THSD7B: variants seen among roughly 807,000 people sequenced by gnomAD.
THSD7B encodes thrombospondin type 1 domain containing 7B.
THSD7B carries 138 observed loss-of-function variants against 213.6 expected under a neutral mutation model. The ratio of observed to expected loss-of-function variants is 0.65; its 90% CI spans 0.56 to 0.74. The LOEUF (loss-of-function observed/expected upper bound fraction) is 0.74. THSD7B is among the 30% of genes least tolerant of loss of function. The probability of loss-of-function intolerance (pLI) is 0.00; values close to 1 mark genes in which losing one functional copy is unlikely to be tolerated. For synonymous variants in THSD7B, 742 were observed against 687.0 expected (o/e 1.08, Z -1.25); for missense variants, 1,931 against 1,991.5 (o/e 0.97, Z 0.58).
At chr2:136,967,791 C>A (rs1398636004) in intron 2 of THSD7B, among the ~76,000 whole-genome samples, 2 of 152,230 alleles carry the variant, frequency 1.3e-5, no homozygotes, top group East Asian at 3.9e-4. Flanking sequence ...GTTTTCATTT[C>A]TTTTCTTTGG....
At chr2:137,313,313 G>C (rs1683971292) in intron 12 of THSD7B, among the ~76,000 whole-genome samples, 1 of 152,060 alleles carries the variant, frequency 6.6e-6, no homozygotes, top group South Asian at 2.1e-4. Flanking sequence ...TGTTTTATCA[G>C]AGATGAGGAT....
chr2:137,353,994 G>T (rs1685070485), intron 12 of THSD7B, among the ~76,000 whole-genome samples: 1 of 152,042 alleles, frequency 6.6e-6, no homozygotes, highest in Non-Finnish European at 1.5e-5. Flanking sequence ...TCCCAGCTGA[G>T]TCTGATGTCT....
intron 2 of THSD7B, among the ~76,000 whole-genome samples, chr2:136,993,030 C>A (rs921021381): frequency 6.6e-6 from 1 of 152,184 alleles, no homozygotes; most frequent in East Asian, 1.9e-4. Context: ...CTCATGCTCT[C>A]GCACTGGAGC....
At chr2:136,892,897 G>A (rs762257787) in intron 2 of THSD7B, among the ~76,000 whole-genome samples, 2 of 152,156 alleles carry the variant, frequency 1.3e-5, no homozygotes, top group Non-Finnish European at 2.9e-5. Flanking sequence ...ACATTGCAAA[G>A]CCGCTTAGAG....
chr2:136,941,126 A>G (rs889973162), intron 2 of THSD7B, among the ~76,000 whole-genome samples: 1 of 151,934 alleles, frequency 6.6e-6, no homozygotes. Flanking sequence ...TGTCCTTGTG[A>G]CAGTTTGCTC....
Position 137,020,593 on chromosome 2 carries a change from G to C in THSD7B, c.140-35827G>C, listed in dbSNP as rs116357742. Among the ~76,000 whole-genome samples, 216 of 152,214 alleles carry C rather than the reference G, an allele frequency of 1.4e-3. 1 individual carries two copies. The highest frequency in any genetic ancestry group is 5.1e-3 in the African/African-American group (212 of 41,528). On this transcript the variant is annotated intron_variant, in intron 2 of 27. Transcript: ENST00000409968. ...CTAATCATAGCAGTTATGGCAGAGA[G>C]GAGAAACCCCTGTACCCTGCACATC... is the stretch of plus-strand genomic sequence containing the variant.
intron 15 of THSD7B, among the ~76,000 whole-genome samples, chr2:137,545,583 G>T (rs1404977455): frequency 1.3e-5 from 2 of 151,848 alleles, no homozygotes; most frequent in African/African-American, 4.8e-5. Context: ...ACTTGATGCT[G>T]CCCATCTCCT....
At chr2:136,809,477 A>G (rs1293052975) in intron 1 of THSD7B, among the ~76,000 whole-genome samples, 1 of 152,106 alleles carries the variant, frequency 6.6e-6, no homozygotes, top group Non-Finnish European at 1.5e-5. Flanking sequence ...AACCAAATTT[A>G]ATGTGCCATG....
intron 12 of THSD7B, among the ~76,000 whole-genome samples, chr2:137,399,720 T>C (rs978332028): frequency 3.3e-5 from 5 of 152,204 alleles, no homozygotes; most frequent in African/African-American, 1.2e-4. Flanking sequence ...CTGGGCCTTC[T>C]GTATCTGGAT....
chr2:137,079,864 G>A (rs1485347803), intron 3 of THSD7B, among the ~76,000 whole-genome samples: 1 of 152,016 alleles, frequency 6.6e-6, no homozygotes, highest in Admixed American at 6.6e-5. Flanking sequence ...TTCTGGGATG[G>A]AGTCTCACTC....
chr2:137,555,883 CT>C (rs1258469740), intron 15 of THSD7B, among the ~76,000 whole-genome samples: 7 of 152,164 alleles, frequency 4.6e-5, no homozygotes, highest in Non-Finnish European at 7.3e-5. Context: ...GGCATGAGAA[CT>C]ACGTGACGAA....
At chr2:137,091,883 C>T (rs985385853) in intron 3 of THSD7B, among the ~76,000 whole-genome samples, 5 of 152,160 alleles carry the variant, frequency 3.3e-5, no homozygotes, top group African/African-American at 1.2e-4. Context: ...AACTTCTCGT[C>T]GACTTACAGC....
intron 1 of THSD7B, among the ~76,000 whole-genome samples, chr2:136,820,332 G>A (rs1401398478): frequency 6.6e-6 from 1 of 152,164 alleles, no homozygotes; most frequent in African/African-American, 2.4e-5. Context: ...ATAACCTGGA[G>A]GATACCCTGA....
In THSD7B at chr2:137,325,636, C is replaced by T. The variant is rs150720630; in HGVS notation, c.2500+49610C>T. ...ACATGAATACGTTTAGCACAGTGCC[C>T]GATACTCTACCCATGTTAACTGAGT... On this transcript the variant is annotated intron_variant, in intron 12 of 27. Coordinates refer to ENST00000409968, the MANE Select transcript of THSD7B (RefSeq NM_001316349.2). 2.3e-3 allele frequency among the ~76,000 whole-genome samples: 346 copies of T among 151,908 alleles called. 1 individual carries two copies. Among genetic ancestry groups the T allele is most frequent in the African/African-American group, 8.1e-3 (336 of 41,396 alleles).
chr2:136,818,110 C>T (rs62171211), intron 1 of THSD7B, among the ~76,000 whole-genome samples: 200 of 146,238 alleles, frequency 1.4e-3, no homozygotes, highest in Non-Finnish European at 2.1e-3. Flanking sequence ...ATGTTTATTG[C>T]GGCATTATTC....
chr2:137,219,157 G>C (rs912064385), intron 7 of THSD7B, among the ~76,000 whole-genome samples: 2 of 152,016 alleles, frequency 1.3e-5, no homozygotes, highest in Non-Finnish European at 2.9e-5. Flanking sequence ...GACAAAACTA[G>C]TCATTAGACC....
intron 12 of THSD7B, among the ~76,000 whole-genome samples, chr2:137,309,609 C>G (rs1683842173): frequency 6.6e-6 from 1 of 152,000 alleles, no homozygotes; most frequent in Admixed American, 6.5e-5. Context: ...GCACCCACTA[C>G]CTCGTCATCT....
rs551157726 is a variant in THSD7B, at chr2:137,395,753, T to C, written c.2501-9860T>C. Reference sequence around the variant, plus strand: ...AGAAGGAATGGTACCAGTTCCTCCTTGTACCTCTGATAGAATTCAGCTGTG... The same window carrying C: ...AGAAGGAATGGTACCAGTTCCTCCTCGTACCTCTGATAGAATTCAGCTGTG... On this transcript the variant is annotated intron_variant, in intron 12 of 27. Transcript: ENST00000409968. Among the ~76,000 whole-genome samples, 133 of 152,118 alleles carry C rather than the reference T, an allele frequency of 8.7e-4. 1 individual carries two copies. The highest frequency in any genetic ancestry group is 4.8e-3 in the South Asian group (23 of 4,808).
At chr2:137,472,930 T>C (rs554208418) in intron 15 of THSD7B, among the ~76,000 whole-genome samples, 1 of 152,310 alleles carries the variant, frequency 6.6e-6, no homozygotes. Flanking sequence ...TGTTAATACA[T>C]AGTATCAAAA....
Sources: gnomAD v4.1 joint callset for allele counts (sites outside exome capture counted in the v4.1 genomes callset) on GRCh38, gnomAD v4.1.1 for gene constraint, MANE v1.5 for transcripts, NCBI Gene and HGNC (gene_info 2026-07-23, HGNC 2026-07-21) for gene names.